ATP9B: variants seen among roughly 807,000 people sequenced by gnomAD.
ATP9B encodes probable phospholipid-transporting ATPase IIB.
Under a neutral mutation model 146.1 loss-of-function variants are expected in ATP9B, and 110 were observed. That is an observed-to-expected ratio of 0.75 (90% CI 0.65 to 0.88). The LOEUF (loss-of-function observed/expected upper bound fraction) is 0.88, where lower values mean the gene tolerates loss of function less well. ATP9B is among the 40% of genes least tolerant of loss of function. The pLI, the probability that ATP9B is intolerant of heterozygous loss-of-function variation, is 0.00. For synonymous variants in ATP9B, 604 were observed against 569.7 expected (o/e 1.06, Z -0.86); for missense variants, 1,499 against 1,496.4 (o/e 1.00, Z -0.03).
chr18:79,345,208 G>A (rs1254196590), intron 21 of ATP9B, among the ~76,000 whole-genome samples: 1 of 152,188 alleles, frequency 6.6e-6, no homozygotes, highest in East Asian at 1.9e-4. Flanking sequence ...AACTTCCCTA[G>A]GCAGGAGAAG....
intron 6 of ATP9B, chr18:79,144,897 G>C (rs1411897076): frequency 1.2e-5 from 2 of 161,976 alleles, no homozygotes; most frequent in Non-Finnish European, 2.7e-5. Context: ...GTGAATAGAA[G>C]TAAAAGCATT....
chr18:79,104,906 G>T (rs1228819404), intron 2 of ATP9B, among the ~76,000 whole-genome samples: 1 of 151,964 alleles, frequency 6.6e-6, no homozygotes, highest in Non-Finnish European at 1.5e-5. Context: ...ACCACACCCG[G>T]CTAATTTTTT....
intron 5 of ATP9B, among the ~76,000 whole-genome samples, chr18:79,134,125 T>G (rs973773085): frequency 2.0e-5 from 3 of 152,236 alleles, no homozygotes; most frequent in Non-Finnish European, 4.4e-5. Context: ...TTCTGTGATT[T>G]CCGAAGTGTG....
At chr18:79,179,452 A>G (rs1376096683) in intron 8 of ATP9B, among the ~76,000 whole-genome samples, 1 of 152,138 alleles carries the variant, frequency 6.6e-6, no homozygotes, top group Non-Finnish European at 1.5e-5. Flanking sequence ...GTGTCACACA[A>G]ATTTTGATTT....
At chr18:79,293,288 T>C (rs1282914997) in intron 13 of ATP9B, among the ~76,000 whole-genome samples, 1 of 151,998 alleles carries the variant, frequency 6.6e-6, no homozygotes, top group East Asian at 1.9e-4. Flanking sequence ...TGTTATACAG[T>C]TTGAATGTTT....
At chr18:79,171,046 C>G (rs79072859) in intron 7 of ATP9B, among the ~76,000 whole-genome samples, 4,611 of 152,240 alleles carry the variant, frequency 0.03, 107 homozygotes, top group Non-Finnish European at 0.039. Context: ...TGCTAATGAG[C>G]ATATTTTGTT....
chr18:79,215,191 A>AT, intron 11 of ATP9B, among the ~76,000 whole-genome samples: 1 of 151,534 alleles, frequency 6.6e-6, no homozygotes, highest in Non-Finnish European at 1.5e-5. Flanking sequence ...GATGTATTCC[A>AT]TTTTTTCAGG....
At chr18:79,369,450 G>A (rs534028410) in intron 26 of ATP9B, among the ~76,000 whole-genome samples, 14 of 150,722 alleles carry the variant, frequency 9.3e-5, no homozygotes, top group Admixed American at 4.6e-4. Flanking sequence ...GGAGAATGGC[G>A]TGAACCCGGG....
At chr18:79,100,383 GTCTT>G (rs1338387264) in intron 2 of ATP9B, among the ~76,000 whole-genome samples, 3 of 152,232 alleles carry the variant, frequency 2.0e-5, no homozygotes, top group Admixed American at 6.5e-5. Context: ...TTGTGGATGT[GTCTT>G]TCTTTTGGTT....
At chr18:79,175,905 T>C (rs1003411523) in intron 7 of ATP9B, among the ~76,000 whole-genome samples, 1 of 152,236 alleles carries the variant, frequency 6.6e-6, no homozygotes, top group Non-Finnish European at 1.5e-5. Context: ...TGTATACAGT[T>C]ATATATGCAT....
At chr18:79,262,046 G>A (rs2096147374) in intron 12 of ATP9B, among the ~76,000 whole-genome samples, 2 of 152,090 alleles carry the variant, frequency 1.3e-5, no homozygotes, top group African/African-American at 4.8e-5. Flanking sequence ...AGGGTGCAGG[G>A]ATGAATGGCG....
chr18:79,113,869 A>G (rs1285942153), intron 4 of ATP9B, among the ~76,000 whole-genome samples: 1 of 152,226 alleles, frequency 6.6e-6, no homozygotes, highest in African/African-American at 2.4e-5. Flanking sequence ...CTGTCTTGAT[A>G]GTCTTAAGCT....
intron 11 of ATP9B, among the ~76,000 whole-genome samples, chr18:79,240,726 A>C (rs910552541): frequency 2.6e-5 from 4 of 152,260 alleles, no homozygotes; most frequent in Non-Finnish European, 5.9e-5. Flanking sequence ...AACCTGGGCA[A>C]CAAGAGCGAA....
At chr18:79,173,508 G>A (rs2095112185) in intron 7 of ATP9B, among the ~76,000 whole-genome samples, 1 of 151,708 alleles carries the variant, frequency 6.6e-6, no homozygotes. Context: ...TAAGATGTAA[G>A]GTTCAGGTCA....
At chr18:79,123,862 A>G (rs1181089756) in intron 4 of ATP9B, among the ~76,000 whole-genome samples, 1 of 152,260 alleles carries the variant, frequency 6.6e-6, no homozygotes, top group Non-Finnish European at 1.5e-5. Flanking sequence ...GGATCTGAGT[A>G]GACATTTACC....
chr18:79,205,648 C>T (rs1440088830), intron 9 of ATP9B, among the ~76,000 whole-genome samples: 1 of 152,112 alleles, frequency 6.6e-6, no homozygotes, highest in African/African-American at 2.4e-5. Flanking sequence ...GGGACGTCTT[C>T]CCTGTGTTAC....
At chr18:79,376,214 C>CACCCACACACAAAAAAA in intron 29 of ATP9B, 1 of 528,146 alleles carries the variant, frequency 1.9e-6, no homozygotes, top group Admixed American at 8.2e-5. Flanking sequence ...CACACACACA[C>CACCCACACACAAAAAAA]AAAACAAAAC....
At chr18:79,235,975 G>C (rs558748402) in intron 11 of ATP9B, among the ~76,000 whole-genome samples, 2 of 152,040 alleles carry the variant, frequency 1.3e-5, no homozygotes, top group Non-Finnish European at 2.9e-5. Flanking sequence ...CAGATCTCTT[G>C]GTGCAGTCTG....
At chr18:79,148,043 A>C (rs1195448981) in intron 6 of ATP9B, among the ~76,000 whole-genome samples, 1 of 152,230 alleles carries the variant, frequency 6.6e-6, no homozygotes, top group Non-Finnish European at 1.5e-5. Context: ...AATACTACAA[A>C]CACCTTGATG....
Sources: gnomAD v4.1 joint callset for allele counts (sites outside exome capture counted in the v4.1 genomes callset) on GRCh38, gnomAD v4.1.1 for gene constraint, MANE v1.5 for transcripts, NCBI Gene and HGNC (gene_info 2026-07-23, HGNC 2026-07-21) for gene names.